Variants in UBE3A observed in about 807,000 individuals in gnomAD.
UBE3A encodes ubiquitin protein ligase E3A.
A neutral mutation model predicts 83.4 loss-of-function variants in UBE3A; 6 were observed. The ratio of observed to expected loss-of-function variants is 0.07; its 90% CI spans 0.04 to 0.14. The LOEUF (loss-of-function observed/expected upper bound fraction) is 0.14, where lower values mean the gene tolerates loss of function less well. Ranked by LOEUF, UBE3A falls within the 10% of genes least tolerant of loss-of-function variation. The pLI is 1.00. For missense variants in UBE3A, 456 were observed against 1,036.1 expected, an observed-to-expected ratio of 0.44 and a Z score of 7.69; for synonymous variants, 337 against 355.4, an observed-to-expected ratio of 0.95 and a Z score of 0.58.
chr15:25,365,519 C>T (rs965742120), intron 6 of UBE3A, among the ~76,000 whole-genome samples: 9 of 151,980 alleles, frequency 5.9e-5, no homozygotes, highest in Non-Finnish European at 1.0e-4. Context: ...GAGGCCGAGG[C>T]GGGCGGATCA....
At chr15:25,408,673 C>T (rs1293287204) in intron 3 of UBE3A, 1 of 1,612,798 alleles carries the variant, frequency 6.2e-7, no homozygotes, top group East Asian at 2.2e-5. Flanking sequence ...CTTTTACCTC[C>T]ACTGTAACTC....
chr15:25,424,840 TA>T (rs1474988651), intron 1 of UBE3A, among the ~76,000 whole-genome samples: 4 of 152,060 alleles, frequency 2.6e-5, no homozygotes, highest in African/African-American at 9.7e-5. Flanking sequence ...TACTGAAAAC[TA>T]CAAAACATGA....
intron 11 of UBE3A, among the ~76,000 whole-genome samples, chr15:25,348,960 G>C (rs1212847995): frequency 6.6e-6 from 1 of 152,150 alleles, no homozygotes; most frequent in African/African-American, 2.4e-5. Context: ...AAAATTAACT[G>C]ATTCTAATAT....
At chr15:25,339,356 C>T (rs760783256) in intron 12 of UBE3A, 99 bp from the exon 13 acceptor site, 384 of 1,462,666 alleles carry the variant, frequency 2.6e-4, no homozygotes, top group Middle Eastern at 3.9e-4. Flanking sequence ...ATAGTTGAGA[C>T]GGTCTGCAAT....
rs77397649 is a variant in UBE3A at position 25,334,797 on chromosome 15, A to G, written c.*4340T>C. ...AGGGTACCAGGACCATTCATGGGGAAATAATAGTCTTTTCAACAACTGGTG... is the reference window on the plus strand; with the variant it reads ...AGGGTACCAGGACCATTCATGGGGAGATAATAGTCTTTTCAACAACTGGTG... On this transcript the variant is annotated 3_prime_UTR_variant, in exon 13 of 13. Coordinates refer to ENST00000648336, the MANE Select transcript of UBE3A (RefSeq NM_130839.5). The G allele has an allele frequency of 1.6e-3, 247 of 152,260 alleles. No homozygotes were observed. Among genetic ancestry groups the G allele is most frequent in the African/African-American group, 5.7e-3 (237 of 41,548 alleles). The allele number at this position is 152,260 out of a possible 1,614,324, so 9.4% of individuals were successfully genotyped here. A position where few individuals can be genotyped will look rare whatever the true frequency, so the allele number is the denominator to read the frequency against.
At chr15:25,425,995 G>A (rs769186478) in intron 1 of UBE3A, among the ~76,000 whole-genome samples, 3 of 151,094 alleles carry the variant, frequency 2.0e-5, no homozygotes, top group Non-Finnish European at 4.4e-5. Context: ...CTTCTAATGT[G>A]CACCTTGGCT....
intron 11 of UBE3A, among the ~76,000 whole-genome samples, chr15:25,353,785 T>C (rs1595561970): frequency 6.6e-6 from 1 of 152,148 alleles, no homozygotes; most frequent in African/African-American, 2.4e-5. Flanking sequence ...TTGGATGATG[T>C]AGTACACAGA....
At chr15:25,343,559 T>TA (rs1370853387) in intron 11 of UBE3A, among the ~76,000 whole-genome samples, 6 of 151,812 alleles carry the variant, frequency 4.0e-5, no homozygotes, top group Non-Finnish European at 8.8e-5. Flanking sequence ...TCTAGAAAAT[T>TA]AAAAAACAAA....
At chr15:25,431,584 C>A (rs1424779550) in intron 1 of UBE3A, among the ~76,000 whole-genome samples, 1 of 152,150 alleles carries the variant, frequency 6.6e-6, no homozygotes, top group African/African-American at 2.4e-5. Context: ...CTCAGGTGAT[C>A]CGTGTGCCTC....
At chr15:25,392,346 C>T (rs1237207408) in intron 4 of UBE3A, among the ~76,000 whole-genome samples, 1 of 152,154 alleles carries the variant, frequency 6.6e-6, no homozygotes, top group Non-Finnish European at 1.5e-5. Context: ...CCTCCCTTCT[C>T]TCTGGCTGTT....
At chr15:25,386,790 T>C (rs1362287527) in intron 4 of UBE3A, among the ~76,000 whole-genome samples, 1 of 151,888 alleles carries the variant, frequency 6.6e-6, no homozygotes, top group Non-Finnish European at 1.5e-5. Flanking sequence ...GAGTGAAATA[T>C]TCATAGTGTT....
intron 4 of UBE3A, among the ~76,000 whole-genome samples, chr15:25,386,127 C>A: frequency 6.6e-6 from 1 of 151,864 alleles, no homozygotes. Context: ...CTTGTTCTAA[C>A]TAAGGGAATG....
intron 11 of UBE3A, among the ~76,000 whole-genome samples, chr15:25,342,725 G>A (rs2075051135): frequency 6.6e-6 from 1 of 152,142 alleles, no homozygotes; most frequent in South Asian, 2.1e-4. Context: ...GGGGAAATGA[G>A]CAGGGTCCAG....
Position 25,337,024 on chromosome 15 carries a change from C to A in UBE3A, c.*2113G>T, listed in dbSNP as rs2152499485. 1 of 152,226 alleles carries A rather than the reference C, an allele frequency of 6.6e-6. No homozygotes were observed. The highest frequency in any genetic ancestry group is 2.1e-4 in the South Asian group (1 of 4,818). The allele number at this position is 152,226 out of a possible 1,614,324, so 9.4% of individuals were successfully genotyped here. A position where few individuals can be genotyped will look rare whatever the true frequency, so the allele number is the denominator to read the frequency against. ...TGACAACATGCCCGGCATAATTAAG[C>A]AAGCTAGAGCAGCTATTCTGTGCAA... is the stretch of plus-strand genomic sequence containing the variant. On this transcript the variant is annotated 3_prime_UTR_variant, in exon 13 of 13. Coordinates refer to ENST00000648336, the MANE Select transcript of UBE3A (RefSeq NM_130839.5).
chr15:25,411,829 T>G (rs375796440), intron 2 of UBE3A, 79 bp downstream of exon 2: 1 of 152,172 alleles, frequency 6.6e-6, no homozygotes, highest in East Asian at 1.9e-4. Flanking sequence ...GGGCCCAAAT[T>G]TGCTGAACAC....
intron 11 of UBE3A, among the ~76,000 whole-genome samples, chr15:25,348,508 A>AT (rs2076047332): frequency 6.6e-6 from 1 of 152,182 alleles, no homozygotes; most frequent in Non-Finnish European, 1.5e-5. Flanking sequence ...ACAGTAATAA[A>AT]TAACATAAAC....
At chr15:25,376,874 G>C (rs2081317357) in intron 4 of UBE3A, among the ~76,000 whole-genome samples, 1 of 145,590 alleles carries the variant, frequency 6.9e-6, no homozygotes, top group South Asian at 2.2e-4. Flanking sequence ...ACTGAGGGAG[G>C]AATTATGTGA....
chr15:25,413,158 A>G (rs1229993641), intron 1 of UBE3A: 1 of 344,518 alleles, frequency 2.9e-6, no homozygotes, highest in East Asian at 8.7e-5. Flanking sequence ...TCACTTGCCA[A>G]TTTAACCATA....
chr15:25,373,302 A>C (rs888993464), intron 5 of UBE3A, among the ~76,000 whole-genome samples: 1 of 152,200 alleles, frequency 6.6e-6, no homozygotes. Context: ...TTCCTGAGCA[A>C]GTCATAAGGT....
Sources: allele counts gnomAD v4.1 joint callset (sites outside exome capture counted in the v4.1 genomes callset), GRCh38; gene constraint gnomAD v4.1.1; transcripts MANE v1.5; gene names NCBI Gene and HGNC (gene_info 2026-07-23, HGNC 2026-07-21).